Variants in ZNF83 observed in about 807,000 individuals in gnomAD.
The protein encoded by ZNF83 is zinc finger protein 816B.
For synonymous variants in ZNF83, 209 were observed against 213.0 expected, an observed-to-expected ratio of 0.98 and a Z score of 0.17; for missense variants, 552 against 629.9, an observed-to-expected ratio of 0.88 and a Z score of 1.32.
At chr19:52,620,270 C>CTCTGTGTGTGTGTGTGTGTGTG (rs1555780636) in intron 2 of ZNF83, among the ~76,000 whole-genome samples, 2 of 144,432 alleles carry the variant, frequency 1.4e-5, no homozygotes, top group Admixed American at 7.1e-5. Context: ...GTGTATATCT[C>CTCTGTGTGTGTGTGTGTGTGTG]TGTGTGTGTG....
chr19:52,660,672 G>A (rs992104320), intron 2 of ZNF83: 4 of 160,034 alleles, frequency 2.5e-5, no homozygotes, highest in African/African-American at 9.6e-5. Context: ...TTGTGACGCA[G>A]GACGCTTCAG....
chr19:52,613,581 G>C, exon 3 of ZNF83: 1 of 1,613,278 alleles, frequency 6.2e-7, no homozygotes, highest in Non-Finnish European at 8.5e-7. Flanking sequence ...GGGATGACTT[G>C]TGACTGAAGA....
At chr19:52,683,042 T>C (rs2061948792) in intron 1 of ZNF83, among the ~76,000 whole-genome samples, 1 of 149,600 alleles carries the variant, frequency 6.7e-6, no homozygotes. Flanking sequence ...AGCTAATTTT[T>C]GTATTTTTAG....
chr19:52,645,047 AC>A (rs1237160720), intron 3 of ZNF83, among the ~76,000 whole-genome samples: 1 of 150,668 alleles, frequency 6.6e-6, no homozygotes, highest in African/African-American at 2.4e-5. Flanking sequence ...TGCTTTTGGC[AC>A]AGCGTTCCGT....
chr19:52,684,696 A>C (rs1396321772), intron 1 of ZNF83, among the ~76,000 whole-genome samples: 2 of 152,206 alleles, frequency 1.3e-5, no homozygotes, highest in Non-Finnish European at 2.9e-5. Flanking sequence ...CTCTGAGCCT[A>C]GAACTGAAGG....
chr19:52,660,668 C>T (rs1008025322), intron 2 of ZNF83: 18 of 158,538 alleles, frequency 1.1e-4, no homozygotes, highest in Non-Finnish European at 2.3e-4. Context: ...AAACTTGTGA[C>T]GCAGGACGCT....
At chr19:52,661,287 A>G (rs1330965773) in intron 1 of ZNF83, among the ~76,000 whole-genome samples, 1 of 152,186 alleles carries the variant, frequency 6.6e-6, no homozygotes, top group Non-Finnish European at 1.5e-5. Flanking sequence ...GAGATAAGAA[A>G]GCCCCACAGG....
chr19:52,687,281 G>A (rs1304025991), intron 1 of ZNF83, among the ~76,000 whole-genome samples: 1 of 144,208 alleles, frequency 6.9e-6, no homozygotes, highest in East Asian at 2.0e-4. Context: ...TTTGAGCCCA[G>A]GATTTTGAGA....
At chr19:52,642,018 T>C (rs1030381659), upstream of ZNF83, among the ~76,000 whole-genome samples, 1 of 152,152 alleles carries the variant, frequency 6.6e-6, no homozygotes, top group Non-Finnish European at 1.5e-5. Flanking sequence ...ACACAATTTA[T>C]ATATGAGAGG....
At chr19:52,659,508 G>C (rs1026155758) in intron 2 of ZNF83, among the ~76,000 whole-genome samples, 1 of 150,666 alleles carries the variant, frequency 6.6e-6, no homozygotes, top group African/African-American at 2.4e-5. Context: ...CTGTGTGTCA[G>C]TGTATGTTTT....
intron 1 of ZNF83, among the ~76,000 whole-genome samples, chr19:52,669,807 G>A (rs1011489617): frequency 2.0e-5 from 3 of 152,136 alleles, no homozygotes; most frequent in Non-Finnish European, 2.9e-5. Flanking sequence ...CCGTGGGTTG[G>A]TGCAGAGGCT....
At chr19:52,623,561 G>A (rs182867260) in intron 2 of ZNF83, among the ~76,000 whole-genome samples, 2 of 152,162 alleles carry the variant, frequency 1.3e-5, no homozygotes, top group East Asian at 3.9e-4. Context: ...CTGGACTACA[G>A]CCACATCTCA....
chr19:52,622,320 A>G (rs1271981058), intron 2 of ZNF83, among the ~76,000 whole-genome samples: 1 of 152,144 alleles, frequency 6.6e-6, no homozygotes, highest in African/African-American at 2.4e-5. Context: ...AGACACCACT[A>G]AATATATACA....
intron 3 of ZNF83, among the ~76,000 whole-genome samples, chr19:52,646,722 A>G (rs914760697): frequency 2.0e-5 from 3 of 152,192 alleles, no homozygotes; most frequent in Non-Finnish European, 4.4e-5. Flanking sequence ...CCCCAACTAC[A>G]CATGGTTAAG....
chr19:52,625,083 G>A (rs2060688937), intron 2 of ZNF83, among the ~76,000 whole-genome samples: 1 of 150,992 alleles, frequency 6.6e-6, no homozygotes, highest in Admixed American at 6.6e-5. Flanking sequence ...TTGGTTTATT[G>A]ATGGCAGTTC....
exon 3 of ZNF83, chr19:52,614,693 T>C: frequency 7.4e-7 from 1 of 1,357,206 alleles, no homozygotes; most frequent in Non-Finnish European, 9.5e-7. Flanking sequence ...AAATCTTGTA[T>C]GTCGTGGCTT....
At chr19:52,625,083 G>C (rs2060688937) in intron 2 of ZNF83, among the ~76,000 whole-genome samples, 1 of 150,992 alleles carries the variant, frequency 6.6e-6, no homozygotes, top group Non-Finnish European at 1.5e-5. Flanking sequence ...TTGGTTTATT[G>C]ATGGCAGTTC....
At chr19:52,681,559 T>C (rs921036924) in intron 1 of ZNF83, among the ~76,000 whole-genome samples, 3 of 152,182 alleles carry the variant, frequency 2.0e-5, no homozygotes, top group African/African-American at 7.2e-5. Flanking sequence ...TAAAATAACA[T>C]ACTGTCCCAT....
chr19:52,683,545 C>A, intron 1 of ZNF83, among the ~76,000 whole-genome samples: 1 of 123,572 alleles, frequency 8.1e-6, no homozygotes, highest in Non-Finnish European at 1.7e-5. Flanking sequence ...AAGTCCCTGC[C>A]CATAATGGCC....
Sources: allele counts gnomAD v4.1 joint callset (sites outside exome capture counted in the v4.1 genomes callset), GRCh38; gene constraint gnomAD v4.1.1; transcripts MANE v1.5; gene names NCBI Gene and HGNC (gene_info 2026-07-23, HGNC 2026-07-21).